Variants in TMEM163 observed in about 807,000 individuals in gnomAD.
TMEM163 encodes transmembrane protein 163.
In TMEM163, 17 loss-of-function variants were observed where a neutral mutation model predicts 29.3. That is an observed-to-expected ratio of 0.58 (90% CI 0.40 to 0.87). The LOEUF (loss-of-function observed/expected upper bound fraction) is 0.87. Ranked by LOEUF, TMEM163 falls within the 40% of genes least tolerant of loss-of-function variation. The probability of loss-of-function intolerance (pLI) is 0.00; values close to 1 mark genes in which losing one functional copy is unlikely to be tolerated. For synonymous variants in TMEM163, 157 were observed against 160.6 expected (o/e 0.98, Z 0.17); for missense variants, 303 against 381.5 (o/e 0.79, Z 1.71).
intron 5 of TMEM163, chr2:134,467,487 G>T (rs536311081): frequency 6.6e-6 from 1 of 152,126 alleles, no homozygotes; most frequent in Non-Finnish European, 1.5e-5. Context: ...TTACCTCCAC[G>T]GTGTTCCATC....
At chr2:134,525,135 C>T (rs2106496678) in intron 4 of TMEM163, among the ~76,000 whole-genome samples, 1 of 152,282 alleles carries the variant, frequency 6.6e-6, no homozygotes, top group South Asian at 2.1e-4. Context: ...CCAGGTGATT[C>T]CTGTGTGTAG....
intron 1 of TMEM163, among the ~76,000 whole-genome samples, chr2:134,714,558 C>G (rs1288638629): frequency 6.6e-6 from 1 of 152,170 alleles, no homozygotes; most frequent in East Asian, 1.9e-4. Flanking sequence ...CATTTATAAC[C>G]CAGAATTGAG....
At chr2:134,490,596 G>A (rs184386135) in intron 5 of TMEM163, among the ~76,000 whole-genome samples, 402 of 152,268 alleles carry the variant, frequency 2.6e-3, no homozygotes, top group South Asian at 0.022. Context: ...ATTACTGAAA[G>A]GTTAAGAATT....
chr2:134,695,765 T>C (rs1684564922), intron 2 of TMEM163, among the ~76,000 whole-genome samples: 1 of 152,150 alleles, frequency 6.6e-6, no homozygotes, highest in African/African-American at 2.4e-5. Flanking sequence ...CTCATATTAT[T>C]GTTTAAAAGT....
intron 4 of TMEM163, among the ~76,000 whole-genome samples, chr2:134,548,225 CA>C (rs542479173): frequency 4.0e-4 from 59 of 148,408 alleles, no homozygotes; most frequent in East Asian, 2.7e-3. Context: ...AAAGCTAAAG[CA>C]AAAAAAAAAT....
intron 2 of TMEM163, among the ~76,000 whole-genome samples, chr2:134,618,598 G>A (rs575962984): frequency 6.6e-6 from 1 of 152,178 alleles, no homozygotes; most frequent in South Asian, 2.1e-4. Context: ...ATTTTCAGAT[G>A]CATATGGAAC....
At chr2:134,513,002 T>A (rs1016609874) in intron 4 of TMEM163, among the ~76,000 whole-genome samples, 2 of 152,180 alleles carry the variant, frequency 1.3e-5, no homozygotes, top group East Asian at 3.8e-4. Flanking sequence ...GGTAAGGATG[T>A]GGCAAATGAT....
chr2:134,477,618 T>C (rs536099792), intron 5 of TMEM163, among the ~76,000 whole-genome samples: 335 of 152,362 alleles, frequency 2.2e-3, no homozygotes, highest in Non-Finnish European at 4.2e-3. Context: ...AGAGTAAGCA[T>C]AGCTTTTGCT....
At chr2:134,510,166 T>C (rs1679915644) in intron 4 of TMEM163, among the ~76,000 whole-genome samples, 1 of 152,172 alleles carries the variant, frequency 6.6e-6, no homozygotes, top group Non-Finnish European at 1.5e-5. Flanking sequence ...AATAGTTACA[T>C]ATTTTAATGT....
At chr2:134,700,966 A>G (rs867847680) in intron 2 of TMEM163, among the ~76,000 whole-genome samples, 3 of 150,990 alleles carry the variant, frequency 2.0e-5, no homozygotes, top group Non-Finnish European at 3.0e-5. Flanking sequence ...AAATAAAAAG[A>G]CAAACCCATT....
intron 2 of TMEM163, among the ~76,000 whole-genome samples, chr2:134,678,735 T>G (rs1684171275): frequency 6.6e-6 from 1 of 152,200 alleles, no homozygotes; most frequent in African/African-American, 2.4e-5. Flanking sequence ...CCTGGCACAT[T>G]TGTATTATTT....
chr2:134,668,085 C>A (rs995957961), intron 2 of TMEM163, among the ~76,000 whole-genome samples: 1 of 152,142 alleles, frequency 6.6e-6, no homozygotes, highest in Non-Finnish European at 1.5e-5. Context: ...TGGATGGGGC[C>A]AGGGACCAAA....
chr2:134,564,044 C>A (rs1681240628), intron 2 of TMEM163, among the ~76,000 whole-genome samples: 1 of 152,090 alleles, frequency 6.6e-6, no homozygotes, highest in Admixed American at 6.5e-5. Flanking sequence ...GAGCGAGACT[C>A]CACTGCGGCA....
chr2:134,466,089 G>C, intron 6 of TMEM163, 25 bp downstream of exon 6: 3 of 1,567,916 alleles, frequency 1.9e-6, no homozygotes, highest in Middle Eastern at 1.7e-4. Context: ...AGCCCCCAGA[G>C]ATTAGGCACC....
intron 2 of TMEM163, among the ~76,000 whole-genome samples, chr2:134,641,678 A>C (rs371909455): frequency 1.3e-5 from 2 of 152,290 alleles, no homozygotes; most frequent in East Asian, 3.9e-4. Context: ...AAGATCAGGA[A>C]AAGACAAAGA....
intron 4 of TMEM163, among the ~76,000 whole-genome samples, chr2:134,526,288 C>G (rs1459761657): frequency 6.6e-6 from 1 of 152,170 alleles, no homozygotes; most frequent in Non-Finnish European, 1.5e-5. Context: ...AGCAGGACAA[C>G]AGAATCTTAT....
At chr2:134,476,400 A>T (rs1686913332) in intron 5 of TMEM163, among the ~76,000 whole-genome samples, 1 of 152,202 alleles carries the variant, frequency 6.6e-6, no homozygotes, top group East Asian at 1.9e-4. Flanking sequence ...TAGTTCTGTG[A>T]CAATACACAT....
Position 134,633,067 on chromosome 2 carries a change from C to T in TMEM163, c.322+80133G>A, listed in dbSNP as rs568949964. Among the ~76,000 whole-genome samples, 38 of 152,092 alleles carry T rather than the reference C, an allele frequency of 2.5e-4. No individual in the cohort carries two copies. The South Asian group carries it at 5.2e-3, about 21-fold the overall frequency. On this transcript the variant is annotated intron_variant, in intron 2 of 7. Coordinates refer to ENST00000281924, the MANE Select transcript of TMEM163 (RefSeq NM_030923.5). Reference sequence around the variant, plus strand: ...GCCACTGCACCAGGCCAAGGCCCTACGTTCTTAATACCAACACAAAGGAGA... The same window carrying T: ...GCCACTGCACCAGGCCAAGGCCCTATGTTCTTAATACCAACACAAAGGAGA...
At position 134,668,366 on chromosome 2, in the gene TMEM163, T is replaced by C. The variant is rs141474449; in HGVS notation, c.322+44834A>G. ...GGGAAGGACGGCAGTGGCAATGGGG[T>C]CAACAGAGTCCCATCTCTTGGCTTA... On this transcript the variant is annotated intron_variant, in intron 2 of 7. Transcript: ENST00000281924. Among the ~76,000 whole-genome samples the C allele has an allele frequency of 2.8e-3, 429 of 151,910 alleles. 5 individuals are homozygous for C. Among genetic ancestry groups the C allele is most frequent in the African/African-American group, 9.5e-3 (394 of 41,418 alleles).
Sources: gnomAD v4.1 joint callset for allele counts (sites outside exome capture counted in the v4.1 genomes callset) on GRCh38, gnomAD v4.1.1 for gene constraint, MANE v1.5 for transcripts, NCBI Gene and HGNC (gene_info 2026-07-23, HGNC 2026-07-21) for gene names.